The following PTPRD variants were observed in gnomAD, a reference collection of about 807,000 sequenced individuals.
The protein encoded by PTPRD is receptor-type tyrosine-protein phosphatase delta.
Under a neutral mutation model 214.5 loss-of-function variants are expected in PTPRD, and 34 were observed. The ratio of observed to expected loss-of-function variants is 0.16; its 90% CI spans 0.12 to 0.21. PTPRD has a LOEUF of 0.21. Among genes scored for constraint, PTPRD ranks in the 10% least tolerant of loss-of-function variants. The pLI is 1.00. For missense variants in PTPRD, 2,545 were observed against 2,398.7 expected (o/e 1.06, Z -1.27); for synonymous variants, 1,128 against 845.7 (o/e 1.33, Z -5.79).
chr9:8,918,337 G>C (rs1056046447), intron 11 of PTPRD, among the ~76,000 whole-genome samples: 6 of 152,160 alleles, frequency 3.9e-5, no homozygotes, highest in African/African-American at 1.4e-4. Flanking sequence ...AAAGGCCCAA[G>C]ACTGGAAGTA....
chr9:8,430,983 A>C (rs1364412956), intron 35 of PTPRD, among the ~76,000 whole-genome samples: 5 of 152,112 alleles, frequency 3.3e-5, no homozygotes, highest in African/African-American at 1.2e-4. Flanking sequence ...CAACTTCTAT[A>C]TTTTCTCAGC....
rs185178397 is a variant in PTPRD at position 9,001,002 on chromosome 9, G to T, written c.-104+17695C>A. On this transcript the variant is annotated intron_variant, in intron 11 of 45. Coordinates refer to ENST00000381196, the MANE Select transcript of PTPRD (RefSeq NM_002839.4). ...ACAGCCAGCAAATGACCCATCCATC[G>T]AACAGCCATGATTATCCTGCCTTCC... 2.0e-4 allele frequency among the ~76,000 whole-genome samples: 31 copies of T among 151,908 alleles called. No homozygotes were observed. The South Asian group carries it at 6.0e-3, about 30-fold the overall frequency.
At chr9:10,358,602 AT>A (rs2097320958) in intron 2 of PTPRD, among the ~76,000 whole-genome samples, 1 of 151,994 alleles carries the variant, frequency 6.6e-6, no homozygotes, top group Admixed American at 6.6e-5. Context: ...TGTCTGAAAA[AT>A]TTAGAGTTAG....
At chr9:10,047,488 C>A (rs1295613490) in intron 3 of PTPRD, among the ~76,000 whole-genome samples, 3 of 151,964 alleles carry the variant, frequency 2.0e-5, no homozygotes, top group Non-Finnish European at 4.4e-5. Context: ...GCAAATCAGG[C>A]TCTACAAAAT....
chr9:10,338,252 G>C (rs1412890195), intron 3 of PTPRD, among the ~76,000 whole-genome samples: 1 of 151,572 alleles, frequency 6.6e-6, no homozygotes, highest in Non-Finnish European at 1.5e-5. Context: ...AAGTGCTATA[G>C]CTCAGTGCCT....
chr9:9,151,013 A>C (rs1276787421), intron 10 of PTPRD, among the ~76,000 whole-genome samples: 1 of 152,152 alleles, frequency 6.6e-6, no homozygotes, highest in Non-Finnish European at 1.5e-5. Context: ...TTTAAATGTT[A>C]CCACTAGACT....
chr9:9,474,957 C>A (rs2094915951), intron 8 of PTPRD, among the ~76,000 whole-genome samples: 1 of 152,002 alleles, frequency 6.6e-6, no homozygotes, highest in Non-Finnish European at 1.5e-5. Context: ...TAGCTGGAAC[C>A]TCTGTTTTCT....
At chr9:9,796,795 T>C (rs554772985) in intron 5 of PTPRD, among the ~76,000 whole-genome samples, 2 of 152,252 alleles carry the variant, frequency 1.3e-5, no homozygotes, top group Non-Finnish European at 2.9e-5. Context: ...TGCTAGTGTT[T>C]TGGGGTTCCT....
chr9:10,148,285 T>A (rs1199433723), intron 3 of PTPRD, among the ~76,000 whole-genome samples: 1 of 152,222 alleles, frequency 6.6e-6, no homozygotes, highest in Non-Finnish European at 1.5e-5. Context: ...TTTTTTCATC[T>A]ATGAGAAATA....
chr9:8,644,476 C>T (rs758419071), intron 12 of PTPRD, among the ~76,000 whole-genome samples: 1 of 152,178 alleles, frequency 6.6e-6, no homozygotes, highest in Admixed American at 6.5e-5. Context: ...AGCTGTAACA[C>T]AAACAGGGCT....
At chr9:8,793,850 T>C (rs2096317107) in intron 11 of PTPRD, among the ~76,000 whole-genome samples, 1 of 152,224 alleles carries the variant, frequency 6.6e-6, no homozygotes, top group Non-Finnish European at 1.5e-5. Context: ...TTTGAGTTCA[T>C]TTATAAATCC....
intron 7 of PTPRD, among the ~76,000 whole-genome samples, chr9:9,716,292 T>C (rs1449863504): frequency 6.6e-6 from 1 of 152,036 alleles, no homozygotes; most frequent in Non-Finnish European, 1.5e-5. Flanking sequence ...TTTGCTATTG[T>C]GAATAGTGCT....
intron 2 of PTPRD, among the ~76,000 whole-genome samples, chr9:10,398,570 C>T (rs2154494556): frequency 6.6e-6 from 1 of 151,886 alleles, no homozygotes; most frequent in South Asian, 2.1e-4. Context: ...AGATATGGAC[C>T]CTGGCACTAT....
chr9:9,425,641 G>A (rs1211839805), intron 8 of PTPRD, among the ~76,000 whole-genome samples: 1 of 151,476 alleles, frequency 6.6e-6, no homozygotes, highest in African/African-American at 2.4e-5. Context: ...AGTAAACCAT[G>A]CCATGAACTT....
At chr9:8,762,832 C>G (rs901535669) in intron 11 of PTPRD, among the ~76,000 whole-genome samples, 12 of 152,170 alleles carry the variant, frequency 7.9e-5, no homozygotes, top group African/African-American at 2.7e-4. Context: ...CAGTACACAG[C>G]TTCCCCCAAA....
At chr9:9,351,231 T>C (rs1284261214) in intron 9 of PTPRD, among the ~76,000 whole-genome samples, 2 of 151,934 alleles carry the variant, frequency 1.3e-5, no homozygotes, top group African/African-American at 4.8e-5. Flanking sequence ...AGAAGGAAAC[T>C]GAAATTTCTA....
intron 5 of PTPRD, among the ~76,000 whole-genome samples, chr9:9,835,562 A>G (rs538535525): frequency 5.3e-5 from 8 of 152,122 alleles, no homozygotes; most frequent in Non-Finnish European, 8.8e-5. Flanking sequence ...TTTGAAACAA[A>G]TTCATGCCTT....
At chr9:9,323,966 T>G (rs1490694580) in intron 9 of PTPRD, among the ~76,000 whole-genome samples, 4 of 152,188 alleles carry the variant, frequency 2.6e-5, no homozygotes, top group African/African-American at 9.7e-5. Context: ...TGTGACAGTT[T>G]GCTCAGAATG....
At chr9:9,441,698 C>T (rs952191048) in intron 8 of PTPRD, among the ~76,000 whole-genome samples, 1 of 151,338 alleles carries the variant, frequency 6.6e-6, no homozygotes, top group Non-Finnish European at 1.5e-5. Flanking sequence ...AGAGTTAAAA[C>T]CGAAAAAAAA....
Sources: gnomAD v4.1 joint callset for allele counts (sites outside exome capture counted in the v4.1 genomes callset) on GRCh38, gnomAD v4.1.1 for gene constraint, MANE v1.5 for transcripts, NCBI Gene and HGNC (gene_info 2026-07-23, HGNC 2026-07-21) for gene names.